Variants in CPAMD8 observed in about 807,000 individuals in gnomAD.
CPAMD8 encodes C3 and PZP like alpha-2-macroglobulin domain containing 8.
A neutral mutation model predicts 224.7 loss-of-function variants in CPAMD8; 146 were observed. The observed-to-expected ratio is 0.65, with a 90% confidence interval of 0.57 to 0.75. The LOEUF (loss-of-function observed/expected upper bound fraction) is 0.75, where lower values mean the gene tolerates loss of function less well. Ranked by LOEUF, CPAMD8 falls within the 30% of genes least tolerant of loss-of-function variation. The pLI, the probability that CPAMD8 is intolerant of heterozygous loss-of-function variation, is 0.00. For synonymous variants in CPAMD8, 966 were observed against 1,044.6 expected, an observed-to-expected ratio of 0.92 and a Z score of 1.45; for missense variants, 2,301 against 2,537.5, an observed-to-expected ratio of 0.91 and a Z score of 2.00.
At chr19:17,021,987 G>A in intron 2 of CPAMD8, 43 bp downstream of exon 2, 1 of 1,393,722 alleles carries the variant, frequency 7.2e-7, no homozygotes, top group Non-Finnish European at 9.5e-7. Flanking sequence ...GCTCCACTTT[G>A]CAAAAGAAGG....
chr19:16,961,650 T>A (rs2054660751), intron 18 of CPAMD8, among the ~76,000 whole-genome samples: 1 of 152,250 alleles, frequency 6.6e-6, no homozygotes, highest in Non-Finnish European at 1.5e-5. Context: ...CTGACAGCTC[T>A]GAAGACAGCA....
At chr19:16,934,647 A>G (rs1271658781) in intron 23 of CPAMD8, among the ~76,000 whole-genome samples, 1 of 152,222 alleles carries the variant, frequency 6.6e-6, no homozygotes, top group African/African-American at 2.4e-5. Flanking sequence ...CTATGTTAAA[A>G]CAAACAATAA....
chr19:16,923,449 C>T (rs4808538), intron 26 of CPAMD8, among the ~76,000 whole-genome samples: 77,822 of 151,950 alleles, frequency 0.51, 21,314 homozygotes, highest in Non-Finnish European at 0.61. Context: ...TGGTCTGAGC[C>T]TCAGGAAGGA....
chr19:16,932,263 T>C (rs2053567461), intron 23 of CPAMD8, among the ~76,000 whole-genome samples: 1 of 151,532 alleles, frequency 6.6e-6, no homozygotes, highest in Admixed American at 6.6e-5. Flanking sequence ...CTAACAAAAA[T>C]GCAAAAAATT....
rs201154737 is a variant in CPAMD8 at position 16,985,610 on chromosome 19, TGATG to T, written c.1395+4029_1395+4032del. Among the ~76,000 whole-genome samples the T allele has an allele frequency of 6.3e-3, 817 of 129,942 alleles. 27 individuals are homozygous for T. The highest frequency in any genetic ancestry group is 0.055 in the Admixed American group (729 of 13,214). The allele number at this position is 129,942 out of a possible 152,430, so 85.2% of individuals were successfully genotyped here. ...GAGGGAGAGTAAATGGATGGATGGATGATGGATGGATGAAGGGAGGCGCAGAGGG... is the reference window on the plus strand; with the variant it reads ...GAGGGAGAGTAAATGGATGGATGGATGATGGATGAAGGGAGGCGCAGAGGG... On this transcript the variant is annotated intron_variant, in intron 13 of 41. Coordinates refer to ENST00000443236, the MANE Select transcript of CPAMD8 (RefSeq NM_015692.5).
chr19:16,949,012 G>A (rs1231741801), intron 20 of CPAMD8, among the ~76,000 whole-genome samples: 1 of 117,168 alleles, frequency 8.5e-6, no homozygotes, highest in Non-Finnish European at 1.7e-5. Context: ...GAAAAGAAAA[G>A]AAAGAAAGAA....
At chr19:16,904,176 A>AGGCGCCCCCCCCCCCCCCCCCCCCCCC in intron 32 of CPAMD8, 50 bp downstream of exon 32, 1 of 937,340 alleles carries the variant, frequency 1.1e-6, no homozygotes, top group Non-Finnish European at 1.7e-6. Flanking sequence ...GACTGCAGGG[A>AGGCGCCCCCCCCCCCCCCCCCCCCCCC]CCCCACCCAC....
At chr19:16,979,813 T>TGCTG (rs2055442186) in intron 14 of CPAMD8, among the ~76,000 whole-genome samples, 1 of 107,066 alleles carries the variant, frequency 9.3e-6, no homozygotes, top group African/African-American at 7.3e-5. Flanking sequence ...GCCTGAGAGA[T>TGCTG]CCTGCCTATC....
At position 16,899,565 on chromosome 19, in the gene CPAMD8, GA is replaced by G; in HGVS notation, c.4774-17del. The G allele has an allele frequency of 7.4e-7, 1 of 1,343,594 alleles. No individual in the cohort carries two copies. Among genetic ancestry groups the G allele is most frequent in the Non-Finnish European group, 1.1e-6 (1 of 933,528 alleles). The allele number at this position is 1,343,594 out of a possible 1,614,324, so 83.2% of individuals were successfully genotyped here. ...CAAGGAGCAGCTGCAGAGGAAGCCA[GA>G]AGTCAGGGTCCTCAGACTCTCTACT... On this transcript the variant is annotated splice_polypyrimidine_tract_variant and intron_variant, in intron 36 of 41. Transcript: ENST00000443236. This position sits in a 1 kb window ranked among gnomAD's most constrained non-coding sequence, Gnocchi z 5.4.
At chr19:16,940,125 T>C (rs775009667) in intron 22 of CPAMD8, among the ~76,000 whole-genome samples, 1 of 152,058 alleles carries the variant, frequency 6.6e-6, no homozygotes, top group Non-Finnish European at 1.5e-5. Context: ...TTGGCCAGGC[T>C]AGTCTCGAAC....
intron 13 of CPAMD8, among the ~76,000 whole-genome samples, chr19:16,981,779 G>T (rs2122778038): frequency 6.6e-6 from 1 of 152,328 alleles, no homozygotes; most frequent in Non-Finnish European, 1.5e-5. Flanking sequence ...GGGATATCTG[G>T]AGTAGGGGAA....
chr19:16,994,834 G>T (rs2122954291), intron 11 of CPAMD8, among the ~76,000 whole-genome samples: 1 of 151,858 alleles, frequency 6.6e-6, no homozygotes, highest in East Asian at 1.9e-4. Context: ...GTAGAGACTG[G>T]ATCTCACTAT....
rs753734017 is a variant in CPAMD8, at chr19:16,896,289, C to T, written c.5313G>A (p.Gly1771=). The change falls in exon 41 of 42, where the codon GGG becomes GGA. Residue 1771 remains glycine, a synonymous_variant. Coordinates refer to ENST00000443236, the MANE Select transcript of CPAMD8 (RefSeq NM_015692.5). ...RLPASSSSTY[G]DDLASVAPGP... The stretch of plus-strand genomic sequence containing the variant: ...CCGGGGCCACAGAAGCCAGGTCATC[C>T]CCGTAGGTGGAGGACGACGAGGCCG... 1 of 1,612,834 alleles carries T rather than the reference C, an allele frequency of 6.2e-7. No homozygotes were observed. Among genetic ancestry groups the T allele is most frequent in the South Asian group, 1.1e-5 (1 of 91,032 alleles).
intron 29 of CPAMD8, among the ~76,000 whole-genome samples, chr19:16,913,514 A>G (rs2052806853): frequency 6.6e-6 from 1 of 152,078 alleles, no homozygotes; most frequent in Non-Finnish European, 1.5e-5. Flanking sequence ...CTCACCAAGA[A>G]CCAAATCTGC....
At chr19:16,896,022 C>G (rs1178941523) in intron 41 of CPAMD8, 154 bp downstream of exon 41, 1 of 835,932 alleles carries the variant, frequency 1.2e-6, no homozygotes, top group Admixed American at 1.9e-5. Context: ...CCCAGGAACT[C>G]TGAGCCTCTG....
In CPAMD8 at chr19:16,928,969, C is replaced by T. The variant is rs867285733; in HGVS notation, c.3117G>A (p.Trp1039Ter). 2.5e-6 allele frequency: 4 copies of T among 1,611,886 alleles called. No homozygotes were observed. The highest frequency in any genetic ancestry group is 3.4e-6 in the Non-Finnish European group (4 of 1,178,610). ...GGATAAGGCCACCACGCCAGCTGAT[C>T]CAGAATGTTCTGAATTCATCCCAGG... is the stretch of plus-strand genomic sequence containing the variant. ...ILSWDEFRTF[W>*]ISWRGGLIQV... Residue 1039 changes from tryptophan (W) to a stop codon, truncating the protein, a stop_gained, in exon 24 of 42, where the codon TGG (tryptophan) becomes TGA (stop). Transcript: ENST00000443236. LOFTEE classifies it high-confidence loss of function.
rs374225260 is a variant in CPAMD8, at chr19:17,011,576, C to T, written c.433+16G>A. The T allele has an allele frequency of 1.5e-5, 25 of 1,614,062 alleles. No individual in the cohort carries two copies. Among genetic ancestry groups the T allele is most frequent in the Non-Finnish European group, 2.0e-5 (24 of 1,180,040 alleles). ...GACCATGGCCGGCCCTCCCTGCATC[C>T]ATGCTGGCCACTCACCTCGGTGCTG... On this transcript the variant is annotated intron_variant, in intron 4 of 41. Transcript: ENST00000443236.
At chr19:16,904,169 T>G (rs2052374397) in intron 32 of CPAMD8, 57 bp downstream of exon 32, 5 of 1,441,942 alleles carry the variant, frequency 3.5e-6, no homozygotes, top group East Asian at 4.8e-5. Context: ...AAACAAGGAC[T>G]GCAGGGACCC....
chr19:16,894,754 A>C, intron 41 of CPAMD8: 3 of 261,386 alleles, frequency 1.1e-5, no homozygotes, highest in Non-Finnish European at 2.4e-5. Context: ...AAAAGAACAA[A>C]CTCCAGGCCG....
Sources: allele counts gnomAD v4.1 joint callset (sites outside exome capture counted in the v4.1 genomes callset), GRCh38; gene constraint gnomAD v4.1.1; non-coding constraint Gnocchi (gnomAD v3.1); transcripts MANE v1.5; gene names NCBI Gene and HGNC (gene_info 2026-07-23, HGNC 2026-07-21).